XIRP2: variants seen among roughly 807,000 people sequenced by gnomAD.
XIRP2 encodes the protein xin actin-binding repeat-containing protein 2.
Under a neutral mutation model 277.0 loss-of-function variants are expected in XIRP2, and 236 were observed. The observed-to-expected ratio is 0.85, with a 90% CI of 0.77 to 0.95. XIRP2 has a LOEUF of 0.95. Among genes scored for constraint, XIRP2 ranks in the 40% least tolerant of loss-of-function variants. The pLI is 0.00. For missense variants in XIRP2, 4,640 were observed against 4,157.5 expected, an observed-to-expected ratio of 1.12 and a Z score of -3.19; for synonymous variants, 1,490 against 1,416.5, an observed-to-expected ratio of 1.05 and a Z score of -1.17.
chr2:167,243,390 G>T lies in XIRP2; in HGVS notation c.1998G>T (p.Met666Ile), dbSNP rs1341068748. 1.2e-6 allele frequency: 2 copies of T among 1,613,988 alleles called. No homozygotes were observed. The highest frequency in any genetic ancestry group is 1.1e-5 in the South Asian group (1 of 91,066). Residue 666 changes from methionine (M) to isoleucine (I), a missense_variant, in exon 9 of 11, where the codon ATG becomes ATT. Transcript: ENST00000409195. ...TTGAAACAAGGCCATTGGACTCAAT[G>T]AATAAAATGCATCAAAGTCAAGAAG... ...WMFETRPLDS[M>I]NKMHQSQEES...
chr2:167,182,525 G>C (rs16853163), intron 3 of XIRP2, among the ~76,000 whole-genome samples: 1 of 152,034 alleles, frequency 6.6e-6, no homozygotes, highest in Non-Finnish European at 1.5e-5. Flanking sequence ...ATCACCCAAC[G>C]TAGTGCTTGT....
At chr2:166,900,053 T>C (rs1440265906) in intron 1 of XIRP2, among the ~76,000 whole-genome samples, 1 of 152,036 alleles carries the variant, frequency 6.6e-6, no homozygotes, top group African/African-American at 2.4e-5. Context: ...AATTTATCCA[T>C]GAATTTTTTG....
At chr2:167,242,079 A>G (rs1473749485) in intron 8 of XIRP2, among the ~76,000 whole-genome samples, 169 bp downstream of exon 8, 2 of 152,216 alleles carry the variant, frequency 1.3e-5, no homozygotes, top group Admixed American at 6.5e-5. Context: ...AAAAGGAGGT[A>G]GAGTAAAAAC....
intron 2 of XIRP2, among the ~76,000 whole-genome samples, chr2:167,034,041 A>C (rs1688439473): frequency 6.6e-6 from 1 of 152,216 alleles, no homozygotes; most frequent in African/African-American, 2.4e-5. Context: ...AGAATACAAG[A>C]GGAAACTGTC....
intron 2 of XIRP2, among the ~76,000 whole-genome samples, chr2:166,938,195 G>A (rs112378134): frequency 0.51 from 77,827 of 151,922 alleles, 20,830 homozygotes; most frequent in East Asian, 0.71. Context: ...TTAGGGTGTC[G>A]ATTTTAGATC....
At chr2:167,203,197 A>C (rs1355100021) in intron 3 of XIRP2, among the ~76,000 whole-genome samples, 15 of 152,144 alleles carry the variant, frequency 9.9e-5, no homozygotes, top group Non-Finnish European at 2.9e-5. Flanking sequence ...GGATGTGAAC[A>C]TCTTTGGGGG....
At chr2:167,236,125 A>G (rs1694892850) in intron 5 of XIRP2, among the ~76,000 whole-genome samples, 1 of 151,832 alleles carries the variant, frequency 6.6e-6, no homozygotes, top group Non-Finnish European at 1.5e-5. Flanking sequence ...TTGAACATGA[A>G]CTTCCGTTTT....
At chr2:167,033,440 A>AT (rs749727238) in intron 2 of XIRP2, among the ~76,000 whole-genome samples, 1 of 152,100 alleles carries the variant, frequency 6.6e-6, no homozygotes, top group African/African-American at 2.4e-5. Context: ...AAGTATAATA[A>AT]TTTTTTTAAA....
intron 2 of XIRP2, among the ~76,000 whole-genome samples, chr2:166,960,341 A>G (rs890568841): frequency 6.6e-6 from 1 of 151,804 alleles, no homozygotes; most frequent in African/African-American, 2.4e-5. Flanking sequence ...CAGAGAGAAG[A>G]GAGAAAAGGT....
chr2:166,935,239 T>G (rs549841455), intron 2 of XIRP2, among the ~76,000 whole-genome samples: 1 of 152,326 alleles, frequency 6.6e-6, no homozygotes, highest in Admixed American at 6.5e-5. Flanking sequence ...AGGTCTGTGA[T>G]GTGGGAAAAT....
chr2:167,159,191 A>G (rs1462897691), intron 3 of XIRP2, among the ~76,000 whole-genome samples: 9 of 152,180 alleles, frequency 5.9e-5, no homozygotes, highest in Admixed American at 3.9e-4. Context: ...GCTGCAGTGC[A>G]CTGCAGAAGG....
chr2:167,227,052 G>A (rs766964068), intron 5 of XIRP2, among the ~76,000 whole-genome samples: 4 of 152,106 alleles, frequency 2.6e-5, no homozygotes, highest in African/African-American at 4.8e-5. Flanking sequence ...CTAATGTACA[G>A]CAATGACTAT....
intron 2 of XIRP2, among the ~76,000 whole-genome samples, chr2:167,031,519 C>A (rs561870848): frequency 6.6e-6 from 1 of 151,870 alleles, no homozygotes; most frequent in South Asian, 2.1e-4. Flanking sequence ...TTGAATTTGT[C>A]CCTGTTTGCA....
intron 2 of XIRP2, among the ~76,000 whole-genome samples, chr2:166,958,684 ATGT>A (rs1243829335): frequency 4.0e-5 from 6 of 151,788 alleles, no homozygotes; most frequent in Non-Finnish European, 8.8e-5. Flanking sequence ...AACTCAGTAA[ATGT>A]TGTGCTTCTT....
chr2:167,102,989 AATAGCTGGGC>A (rs961338870), intron 2 of XIRP2, among the ~76,000 whole-genome samples: 47 of 152,334 alleles, frequency 3.1e-4, no homozygotes, highest in Admixed American at 5.2e-4. Flanking sequence ...TAAGAAAAAA[AATAGCTGGGC>A]ATGGTGGCTC....
At chr2:166,967,061 T>C (rs757107980) in intron 2 of XIRP2, among the ~76,000 whole-genome samples, 5 of 152,020 alleles carry the variant, frequency 3.3e-5, no homozygotes, top group African/African-American at 9.7e-5. Context: ...TCCTTCCTGC[T>C]TTGAGTTCTA....
chr2:167,179,325 T>TTTTTTTTTTC (rs1356027164), intron 3 of XIRP2, among the ~76,000 whole-genome samples: 15 of 120,886 alleles, frequency 1.2e-4, no homozygotes, highest in African/African-American at 1.6e-4. Context: ...TTTTTCTTGT[T>TTTTTTTTTTC]TTTTTTTTTT....
At chr2:167,193,732 G>C (rs1693416725) in intron 3 of XIRP2, among the ~76,000 whole-genome samples, 2 of 151,856 alleles carry the variant, frequency 1.3e-5, no homozygotes, top group African/African-American at 4.8e-5. Flanking sequence ...ACAAAAATTA[G>C]CCAGGTGTGG....
At chr2:167,052,419 G>A (rs181207661) in intron 2 of XIRP2, among the ~76,000 whole-genome samples, 1 of 151,968 alleles carries the variant, frequency 6.6e-6, no homozygotes. Context: ...AGTAGACATG[G>A]TGGGTGCAAA....
Sources: allele counts gnomAD v4.1 joint callset (sites outside exome capture counted in the v4.1 genomes callset), GRCh38; gene constraint gnomAD v4.1.1; transcripts MANE v1.5; gene names NCBI Gene and HGNC (gene_info 2026-07-23, HGNC 2026-07-21).